ANKRD36C: variants seen among roughly 807,000 people sequenced by gnomAD.
ANKRD36C encodes the protein ankyrin repeat domain-containing protein 36C.
A neutral mutation model predicts 276.4 loss-of-function variants in ANKRD36C; 61 were observed. The observed-to-expected ratio is 0.22, with a 90% CI of 0.18 to 0.27. ANKRD36C has a LOEUF of 0.27. Among genes scored for constraint, ANKRD36C ranks in the 10% least tolerant of loss-of-function variants. The pLI is 1.00. For missense variants in ANKRD36C, 1,447 were observed against 2,032.3 expected (o/e 0.71, Z 5.54); for synonymous variants, 483 against 680.1 (o/e 0.71, Z 4.51).
intron 42 of ANKRD36C, among the ~76,000 whole-genome samples, chr2:95,901,894 T>C (rs901340847): frequency 6.7e-6 from 1 of 148,422 alleles, no homozygotes. Flanking sequence ...TTAGCCTCAA[T>C]AAAAATATCA....
chr2:95,914,845 T>C (rs1452154133), intron 38 of ANKRD36C, among the ~76,000 whole-genome samples: 1 of 151,534 alleles, frequency 6.6e-6, no homozygotes, highest in Admixed American at 6.6e-5. Flanking sequence ...TGGATACCTG[T>C]TTGCTGATAC....
intron 44 of ANKRD36C, among the ~76,000 whole-genome samples, chr2:95,892,191 G>A (rs1398073467): frequency 5.3e-5 from 8 of 151,518 alleles, no homozygotes; most frequent in Admixed American, 4.6e-4. Context: ...ATACACGTGA[G>A]AATAAATGTC....
intron 17 of ANKRD36C, among the ~76,000 whole-genome samples, chr2:95,947,053 A>G (rs1199254745): frequency 4.6e-5 from 7 of 151,998 alleles, no homozygotes; most frequent in African/African-American, 1.7e-4. Flanking sequence ...ATAAAAAAAT[A>G]AAAAAAGAGT....
chr2:95,886,008 A>G (rs777792108), intron 52 of ANKRD36C, 40 bp downstream of exon 72: 3 of 1,579,076 alleles, frequency 1.9e-6, no homozygotes, highest in Non-Finnish European at 8.6e-7. Flanking sequence ...TTTCTCTTCT[A>G]TTTGATCGAA....
chr2:95,866,881 T>C (rs1213130041), intron 60 of ANKRD36C, among the ~76,000 whole-genome samples: 3 of 152,304 alleles, frequency 2.0e-5, no homozygotes, highest in Middle Eastern at 3.4e-3. Context: ...ATATCAATTA[T>C]ACCACACTAA....
chr2:95,948,810 C>T (rs185011007), intron 16 of ANKRD36C, among the ~76,000 whole-genome samples: 5,152 of 152,176 alleles, frequency 0.034, 145 homozygotes, highest in Non-Finnish European at 0.052. Context: ...TCTGCTGCCA[C>T]TTCTCCCAAC....
chr2:95,973,733 CT>C (rs1678744945), intron 6 of ANKRD36C, among the ~76,000 whole-genome samples: 1 of 152,112 alleles, frequency 6.6e-6, no homozygotes, highest in South Asian at 2.1e-4. Context: ...GGACTTTAAA[CT>C]CATTTTGGGG....
intron 56 of ANKRD36C, among the ~76,000 whole-genome samples, chr2:95,881,274 A>G (rs965306636): frequency 2.6e-5 from 4 of 152,144 alleles, no homozygotes. Flanking sequence ...TTCTTCATCC[A>G]CTAATGGCAA....
intron 19 of ANKRD36C, among the ~76,000 whole-genome samples, chr2:95,941,517 T>A (rs931937377): frequency 6.6e-6 from 1 of 152,190 alleles, no homozygotes; most frequent in African/African-American, 2.4e-5. Context: ...ATTTTTAAAA[T>A]AGACAAGTGA....
intron 17 of ANKRD36C, among the ~76,000 whole-genome samples, chr2:95,946,538 C>G (rs1678055975): frequency 1.4e-5 from 2 of 144,150 alleles, no homozygotes; most frequent in South Asian, 4.7e-4. Flanking sequence ...TACCATTTGA[C>G]CCAGCCATCC....
intron 38 of ANKRD36C, among the ~76,000 whole-genome samples, 187 bp from the exon 41 acceptor site, chr2:95,914,490 A>T (rs1257073504): frequency 6.6e-6 from 1 of 151,456 alleles, no homozygotes; most frequent in Non-Finnish European, 1.5e-5. Flanking sequence ...TACAGGCTCC[A>T]TGAAATATAG....
intron 6 of ANKRD36C, among the ~76,000 whole-genome samples, chr2:95,976,366 C>T (rs1263766910): frequency 1.3e-5 from 2 of 152,116 alleles, no homozygotes; most frequent in Non-Finnish European, 2.9e-5. Context: ...TTGAAACTCT[C>T]GAAATGCGGC....
At chr2:95,873,449 C>T (rs1186274163) in intron 59 of ANKRD36C, among the ~76,000 whole-genome samples, 5 of 152,144 alleles carry the variant, frequency 3.3e-5, no homozygotes. Flanking sequence ...CAGAAAAGGC[C>T]TTTGACAAAA....
At chr2:95,873,712 C>G (rs1359390445) in intron 59 of ANKRD36C, among the ~76,000 whole-genome samples, 1 of 152,180 alleles carries the variant, frequency 6.6e-6, no homozygotes, top group African/African-American at 2.4e-5. Flanking sequence ...AAAGGGTATT[C>G]AATTAGGAAA....
At chr2:95,936,606 T>A (rs1487079831) in intron 22 of ANKRD36C, among the ~76,000 whole-genome samples, 7 of 151,686 alleles carry the variant, frequency 4.6e-5, no homozygotes, top group African/African-American at 1.5e-4. Context: ...CAGGTCCACA[T>A]AAAGTCAGTG....
At chr2:95,865,508 C>G (rs1213038732) in intron 60 of ANKRD36C, among the ~76,000 whole-genome samples, 1 of 152,036 alleles carries the variant, frequency 6.6e-6, no homozygotes, top group African/African-American at 2.4e-5. Flanking sequence ...ATTCAAAATG[C>G]TTCAGACTAG....
chr2:95,913,401 A>G (rs1395897081), intron 40 of ANKRD36C, among the ~76,000 whole-genome samples: 1 of 151,444 alleles, frequency 6.6e-6, no homozygotes, highest in East Asian at 2.0e-4. Flanking sequence ...AGATTATCTC[A>G]TTTTTATAAC....
chr2:95,985,411 G>A (rs1679008417), intron 3 of ANKRD36C, among the ~76,000 whole-genome samples: 2 of 152,178 alleles, frequency 1.3e-5, no homozygotes, highest in South Asian at 4.1e-4. Context: ...TTCTTAACCA[G>A]CAGCGTATCA....
chr2:95,896,442 C>T (rs1346442342), intron 44 of ANKRD36C, among the ~76,000 whole-genome samples: 1 of 149,368 alleles, frequency 6.7e-6, no homozygotes, highest in Non-Finnish European at 1.5e-5. Flanking sequence ...GTCTAAAATA[C>T]TCTTGTTGGG....
Sources: gnomAD v4.1 joint callset for allele counts (sites outside exome capture counted in the v4.1 genomes callset) on GRCh38, gnomAD v4.1.1 for gene constraint, MANE v1.5 for transcripts, NCBI Gene and HGNC (gene_info 2026-07-23, HGNC 2026-07-21) for gene names.